ZNF385D: variants seen among roughly 807,000 people sequenced by gnomAD.
ZNF385D encodes the protein zinc finger protein 659.
In ZNF385D, 15 loss-of-function variants were observed where a neutral mutation model predicts 35.8. That is an observed-to-expected ratio of 0.42 (90% CI 0.28 to 0.64). ZNF385D has a LOEUF of 0.64. ZNF385D is among the 30% of genes least tolerant of loss of function. ZNF385D has a pLI of 0.23. For missense variants in ZNF385D, 474 were observed against 494.6 expected, an observed-to-expected ratio of 0.96 and a Z score of 0.39; for synonymous variants, 212 against 186.8, an observed-to-expected ratio of 1.13 and a Z score of -1.10.
intron 3 of ZNF385D, among the ~76,000 whole-genome samples, chr3:21,972,906 A>C (rs1352837293): frequency 6.6e-6 from 1 of 152,030 alleles, no homozygotes; most frequent in African/African-American, 2.4e-5. Flanking sequence ...ATAACAAGTA[A>C]TGTGATCGAA....
chr3:21,826,043 C>A (rs528455617), intron 3 of ZNF385D, among the ~76,000 whole-genome samples: 21 of 152,170 alleles, frequency 1.4e-4, no homozygotes, highest in Non-Finnish European at 1.9e-4. Flanking sequence ...CCTCAACCCC[C>A]CACCAGTCCG....
At chr3:21,797,236 C>T (rs2125676040) in intron 3 of ZNF385D, among the ~76,000 whole-genome samples, 1 of 152,284 alleles carries the variant, frequency 6.6e-6, no homozygotes, top group Non-Finnish European at 1.5e-5. Flanking sequence ...TGAAAAGATT[C>T]TTCACATTAT....
chr3:22,293,462 T>C (rs1466775118), intron 2 of ZNF385D, among the ~76,000 whole-genome samples: 1 of 152,060 alleles, frequency 6.6e-6, no homozygotes, highest in African/African-American at 2.4e-5. Context: ...CCTAAGCCAA[T>C]AAAAGAGTCC....
intron 3 of ZNF385D, among the ~76,000 whole-genome samples, chr3:22,162,389 G>A (rs763312530): frequency 2.6e-5 from 4 of 152,086 alleles, no homozygotes; most frequent in Non-Finnish European, 4.4e-5. Flanking sequence ...ATGCAAACAG[G>A]CTTTCTCTGA....
intron 3 of ZNF385D, chr3:21,942,688 G>T (rs1701580028): frequency 6.6e-6 from 1 of 152,122 alleles, no homozygotes; most frequent in African/African-American, 2.4e-5. Context: ...CTGTATCAAT[G>T]GTTATTCTCT....
At chr3:21,573,961 G>T (rs2125684179) in intron 2 of ZNF385D, among the ~76,000 whole-genome samples, 1 of 151,350 alleles carries the variant, frequency 6.6e-6, no homozygotes, top group South Asian at 2.1e-4. Flanking sequence ...TTGGGAGGCT[G>T]AGTCAGGAGA....
chr3:22,096,605 C>T (rs1455130012), intron 3 of ZNF385D, among the ~76,000 whole-genome samples: 3 of 152,072 alleles, frequency 2.0e-5, no homozygotes, highest in South Asian at 4.2e-4. Flanking sequence ...TATTTTCTGA[C>T]CCCTTAGGGT....
intron 3 of ZNF385D, among the ~76,000 whole-genome samples, chr3:22,102,344 C>A (rs1440861206): frequency 6.6e-6 from 1 of 151,906 alleles, no homozygotes; most frequent in Non-Finnish European, 1.5e-5. Flanking sequence ...ATGTGAAGAA[C>A]CAAAAACAGA....
intron 3 of ZNF385D, among the ~76,000 whole-genome samples, chr3:21,518,084 G>T (rs769128864): frequency 2.6e-5 from 4 of 152,136 alleles, no homozygotes; most frequent in Non-Finnish European, 5.9e-5. Context: ...AAGTATAAAT[G>T]CATTTTACTC....
At chr3:22,372,574 G>A (rs976913560) in exon 2 of ZNF385D, 32 of 981,810 alleles carry the variant, frequency 3.3e-5, no homozygotes, top group Non-Finnish European at 3.6e-5. Context: ...AGCAGCCGCC[G>A]GGGCTGGCTG....
chr3:21,847,545 G>A (rs1037073916), intron 3 of ZNF385D, among the ~76,000 whole-genome samples: 7 of 151,992 alleles, frequency 4.6e-5, no homozygotes, highest in Non-Finnish European at 1.0e-4. Flanking sequence ...CTAAAAAAGA[G>A]GGGAATTAAA....
intron 2 of ZNF385D, among the ~76,000 whole-genome samples, chr3:22,195,568 T>A (rs566092647): frequency 3.3e-5 from 5 of 152,158 alleles, no homozygotes; most frequent in African/African-American, 9.6e-5. Flanking sequence ...CATTTTGAAA[T>A]CTGTGGTCCA....
Position 21,729,428 on chromosome 3 carries a change from G to A in ZNF385D, c.22+21467C>T, listed in dbSNP as rs551698324. Among the ~76,000 whole-genome samples, 16 of 152,010 alleles carry A rather than the reference G, an allele frequency of 1.1e-4. No individual in the cohort carries two copies. The South Asian group carries it at 1.5e-3, about 14-fold the overall frequency. On this transcript the variant is annotated intron_variant, in intron 1 of 7. Transcript: ENST00000281523. ...AAATGGATTATCTTCCCACTCCACC[G>A]TCTTTAAAGATAAAACTGTCATTTC...
intron 2 of ZNF385D, among the ~76,000 whole-genome samples, chr3:21,602,986 C>G (rs1231067470): frequency 1.3e-5 from 2 of 152,130 alleles, no homozygotes; most frequent in African/African-American, 4.8e-5. Context: ...CCAGTCATAC[C>G]CCCTCTTGCT....
At chr3:21,998,609 C>G (rs770531642) in intron 3 of ZNF385D, among the ~76,000 whole-genome samples, 1 of 152,198 alleles carries the variant, frequency 6.6e-6, no homozygotes. Flanking sequence ...TCAGTTGTTA[C>G]TAGCCCAGCC....
rs189562792 is a variant in ZNF385D, at chr3:22,311,098, A to T, written c.106+61352T>A. 1.1e-4 allele frequency among the ~76,000 whole-genome samples: 16 copies of T among 152,056 alleles called. No homozygotes were observed. In the East Asian group the frequency reaches 2.9e-3, roughly 28 times the overall value. On this transcript the variant is annotated intron_variant, in intron 2 of 5. Transcript: ENST00000494108. Reference sequence around the variant, plus strand: ...AGGTTATTGTAATAGGCAATAGAGAAGATGAAATCAGGGGTACGACCAGAG... The same window carrying T: ...AGGTTATTGTAATAGGCAATAGAGATGATGAAATCAGGGGTACGACCAGAG...
At chr3:22,026,032 G>T (rs928737188) in intron 3 of ZNF385D, among the ~76,000 whole-genome samples, 4 of 152,166 alleles carry the variant, frequency 2.6e-5, no homozygotes, top group Non-Finnish European at 4.4e-5. Flanking sequence ...GCAGCAATCA[G>T]AATAGGCTGA....
chr3:22,033,402 AAAT>A (rs59555475), intron 3 of ZNF385D, among the ~76,000 whole-genome samples: 24,228 of 139,192 alleles, frequency 0.17, 2,629 homozygotes, highest in Non-Finnish European at 0.24. Flanking sequence ...GCTGGCTCCA[AAAT>A]AATAATAATA....
intron 3 of ZNF385D, among the ~76,000 whole-genome samples, chr3:22,016,334 A>G (rs1221577141): frequency 1.3e-5 from 2 of 152,122 alleles, no homozygotes; most frequent in Non-Finnish European, 2.9e-5. Flanking sequence ...TACCTAGCTC[A>G]CAATGGCATT....
Sources: allele counts gnomAD v4.1 joint callset (sites outside exome capture counted in the v4.1 genomes callset), GRCh38; gene constraint gnomAD v4.1.1; transcripts MANE v1.5; gene names NCBI Gene and HGNC (gene_info 2026-07-23, HGNC 2026-07-21).